Variants in NFIX observed in about 807,000 individuals in gnomAD.
NFIX encodes nuclear factor 1 X-type.
A neutral mutation model predicts 53.3 loss-of-function variants in NFIX; 2 were observed. The ratio of observed to expected loss-of-function variants is 0.04; its 90% CI spans 0.02 to 0.12. The LOEUF (loss-of-function observed/expected upper bound fraction) is 0.12. Among genes scored for constraint, NFIX ranks in the 10% least tolerant of loss-of-function variants. The pLI, the probability that NFIX is intolerant of heterozygous loss-of-function variation, is 1.00. For synonymous variants in NFIX, 244 were observed against 289.0 expected, an observed-to-expected ratio of 0.84 and a Z score of 1.58; for missense variants, 310 against 674.5, an observed-to-expected ratio of 0.46 and a Z score of 5.99.
rs1179287020 is a variant in NFIX at position 13,094,812 on chromosome 19, A to C, written c.*163A>C. Reference sequence around the variant, plus strand: ...AGCCCTTCTCTCCTCCAGCCCGGGGACCCCCGCGGGCCCCAGAAGCAGCCC... The same window carrying C: ...AGCCCTTCTCTCCTCCAGCCCGGGGCCCCCCGCGGGCCCCAGAAGCAGCCC... On this transcript the variant is annotated 3_prime_UTR_variant, in exon 11 of 11. Coordinates refer to ENST00000592199, the MANE Select transcript of NFIX (RefSeq NM_001365902.3). This position sits in a 1 kb window ranked among gnomAD's most constrained non-coding sequence, Gnocchi z 4.3. 5.8e-6 allele frequency: 4 copies of C among 684,780 alleles called. No homozygotes were observed. The highest frequency in any genetic ancestry group is 4.2e-5 in the South Asian group (2 of 47,500). The allele number at this position is 684,780 out of a possible 1,614,324, so 42.4% of individuals were successfully genotyped here. A position where few individuals can be genotyped will look rare whatever the true frequency, so the allele number is the denominator to read the frequency against.
chr19:13,043,985 A>G lies in NFIX; in HGVS notation c.559+18433A>G, dbSNP rs1599774869. 2.0e-5 allele frequency among the ~76,000 whole-genome samples: 3 copies of G among 152,142 alleles called. No individual in the cohort carries two copies. In the South Asian group the frequency reaches 6.2e-4, roughly 32 times the overall value. On this transcript the variant is annotated intron_variant, in intron 2 of 10. Transcript: ENST00000592199. The surrounding 1 kb of genome is among the most constrained non-coding windows in gnomAD (Gnocchi z 4.0). ...AATAAAATTTAAAAAAAAAGAAAAAAGAGAAAATCGGGCCTTATATCATTT... is the reference window on the plus strand; with the variant it reads ...AATAAAATTTAAAAAAAAAGAAAAAGGAGAAAATCGGGCCTTATATCATTT...
rs1292392451 is a variant in NFIX, at chr19:13,073,477, G to A, written c.678G>A (p.Glu226=). Residue 226 remains glutamate, a synonymous_variant, in exon 4 of 11, where the codon GAG becomes GAA. Coordinates refer to ENST00000592199, the MANE Select transcript of NFIX (RefSeq NM_001365902.3). The surrounding 1 kb of genome is among the most constrained non-coding windows in gnomAD (Gnocchi z 4.5). ...CTTCCGGGGTCTGGAATGTGACGGAGCTGGTGAGAGTATCACAGAGTAAGT... is the reference window on the plus strand; with the variant it reads ...CTTCCGGGGTCTGGAATGTGACGGAACTGGTGAGAGTATCACAGAGTAAGT... ...FVTSGVWNVT[E]LVRVSQTPVA... is the part of the protein sequence containing the mutation. 1.9e-6 allele frequency: 3 copies of A among 1,614,006 alleles called. No individual in the cohort carries two copies. Among genetic ancestry groups the A allele is most frequent in the Non-Finnish European group, 1.7e-6 (2 of 1,179,868 alleles).
chr19:13,015,808 A>ACACATG (rs1555695243), intron 1 of NFIX, among the ~76,000 whole-genome samples: 2 of 150,704 alleles, frequency 1.3e-5, no homozygotes, highest in South Asian at 2.1e-4. Flanking sequence ...ACACACACAC[A>ACACATG]CACACGCACA....
At position 12,998,780 on chromosome 19, in the gene NFIX, C is replaced by T. The variant is rs149665881; in HGVS notation, c.27+2916C>T. Among the ~76,000 whole-genome samples, 4 of 152,318 alleles carry T rather than the reference C, an allele frequency of 2.6e-5. No individual in the cohort carries two copies. Among genetic ancestry groups the T allele is most frequent in the Admixed American group, 6.5e-5 (1 of 15,306 alleles). ...AGGAAACCGACGACTTGTGTTCACA[C>T]TGTCACACACACCCATTAACACACA... On this transcript the variant is annotated intron_variant, in intron 1 of 10. Coordinates refer to ENST00000592199, the MANE Select transcript of NFIX (RefSeq NM_001365902.3). The surrounding 1 kb of genome is among the most constrained non-coding windows in gnomAD (Gnocchi z 4.4).
In NFIX at chr19:13,085,804, G is replaced by A. The variant is rs529401985; in HGVS notation, c.1255-2185G>A. Among the ~76,000 whole-genome samples, 230 of 152,362 alleles carry A rather than the reference G, an allele frequency of 1.5e-3. 1 individual carries two copies. Among genetic ancestry groups the A allele is most frequent in the Non-Finnish European group, 2.6e-3 (175 of 68,040 alleles). ...CAGAGAAGCCAGAGTTCAGAAGGGCGTGGCTGCACAGGCCAGCCTGGGCTT... is the reference window on the plus strand; with the variant it reads ...CAGAGAAGCCAGAGTTCAGAAGGGCATGGCTGCACAGGCCAGCCTGGGCTT... On this transcript the variant is annotated intron_variant, in intron 8 of 10. Coordinates refer to ENST00000592199, the MANE Select transcript of NFIX (RefSeq NM_001365902.3).
rs757489339 is a variant in NFIX, at chr19:13,037,589, G to A, written c.559+12037G>A. 4.1e-4 allele frequency among the ~76,000 whole-genome samples: 63 copies of A among 152,162 alleles called. No individual in the cohort carries two copies. The highest frequency in any genetic ancestry group is 8.7e-4 in the Non-Finnish European group (59 of 68,036). On this transcript the variant is annotated intron_variant, in intron 2 of 10. Coordinates refer to ENST00000592199, the MANE Select transcript of NFIX (RefSeq NM_001365902.3). The surrounding 1 kb of genome is among the most constrained non-coding windows in gnomAD (Gnocchi z 4.2). ...TCTTCATAGCCCTGAGCATAGAGGA[G>A]GAAATTTGCCTTTGGCAGATGAGGG...
rs2018087542 is a variant in NFIX at position 13,090,797 on chromosome 19, G to C, written c.1494+407G>C. Reference sequence around the variant, plus strand: ...GCCCTCCCCTTTCCCCTGGCGTTGGGTGGGCTGGGTGACGGGTGGAGGAGG... The same window carrying C: ...GCCCTCCCCTTTCCCCTGGCGTTGGCTGGGCTGGGTGACGGGTGGAGGAGG... On this transcript the variant is annotated intron_variant, in intron 10 of 10. Transcript: ENST00000592199. The surrounding 1 kb of genome is among the most constrained non-coding windows in gnomAD (Gnocchi z 6.6). 6.6e-6 allele frequency among the ~76,000 whole-genome samples: 1 copy of C among 152,228 alleles called. No individual in the cohort carries two copies. The highest frequency in any genetic ancestry group is 6.5e-5 in the Admixed American group (1 of 15,292).
In NFIX at chr19:13,021,998, T is replaced by G. The variant is rs2012972727; in HGVS notation, c.28-3023T>G. ...CACTGCTAGGGTTTGGGCTCTTTAGTCTAAATTGATTTGGGAGACAGGTAA... is the reference window on the plus strand; with the variant it reads ...CACTGCTAGGGTTTGGGCTCTTTAGGCTAAATTGATTTGGGAGACAGGTAA... On this transcript the variant is annotated intron_variant, in intron 1 of 10. Coordinates refer to ENST00000592199, the MANE Select transcript of NFIX (RefSeq NM_001365902.3). This position sits in a 1 kb window ranked among gnomAD's most constrained non-coding sequence, Gnocchi z 4.2. Among the ~76,000 whole-genome samples, 1 of 152,176 alleles carries G rather than the reference T, an allele frequency of 6.6e-6. No homozygotes were observed. The highest frequency in any genetic ancestry group is 2.1e-4 in the South Asian group (1 of 4,826).
At chr19:13,085,485 T>G (rs1332428408) in intron 8 of NFIX, among the ~76,000 whole-genome samples, 1 of 152,182 alleles carries the variant, frequency 6.6e-6, no homozygotes, top group African/African-American at 2.4e-5. Context: ...CATTCCCTCC[T>G]TCTAGGCAGG....
In NFIX at chr19:13,049,201, G is replaced by A. The variant is rs2015176064; in HGVS notation, c.559+23649G>A. On this transcript the variant is annotated intron_variant, in intron 2 of 10. Transcript: ENST00000592199. The surrounding 1 kb of genome is among the most constrained non-coding windows in gnomAD (Gnocchi z 4.5). ...CCAAGAATTTAAGGTTGCAGCAAGCGATGATCACACTACTGCACTCCAGCC... is the reference window on the plus strand; with the variant it reads ...CCAAGAATTTAAGGTTGCAGCAAGCAATGATCACACTACTGCACTCCAGCC... 1.3e-5 allele frequency among the ~76,000 whole-genome samples: 2 copies of A among 151,908 alleles called. No homozygotes were observed. Among genetic ancestry groups the A allele is most frequent in the South Asian group, 2.1e-4 (1 of 4,822 alleles).
intron 2 of NFIX, among the ~76,000 whole-genome samples, chr19:13,030,379 C>T (rs377379127): frequency 2.0e-4 from 31 of 152,124 alleles, no homozygotes; most frequent in Non-Finnish European, 3.4e-4. Context: ...CATAGCAGGA[C>T]GGCAGCTGCT....
In NFIX at chr19:13,022,342, G is replaced by T. The variant is rs1205316085; in HGVS notation, c.28-2679G>T. Among the ~76,000 whole-genome samples, 1 of 152,150 alleles carries T rather than the reference G, an allele frequency of 6.6e-6. No homozygotes were observed. Among genetic ancestry groups the T allele is most frequent in the Non-Finnish European group, 1.5e-5 (1 of 68,024 alleles). The stretch of plus-strand genomic sequence containing the variant: ...CGAAGGAGGAGGCTGAGCTTGCTGG[G>T]GGCTGGGGGAGAAGGGAGGGACGTG... On this transcript the variant is annotated intron_variant, in intron 1 of 10. Coordinates refer to ENST00000592199, the MANE Select transcript of NFIX (RefSeq NM_001365902.3). This position sits in a 1 kb window ranked among gnomAD's most constrained non-coding sequence, Gnocchi z 4.5.
chr19:13,076,799 C>G lies in NFIX; in HGVS notation c.955+1128C>G, dbSNP rs1190232395. ...AAGCACTCCTGCTTTTCTGCTGCCC[C>G]AGAACGAATGCAAGTTCTGGCAGCT... On this transcript the variant is annotated intron_variant, in intron 6 of 10. Coordinates refer to ENST00000592199, the MANE Select transcript of NFIX (RefSeq NM_001365902.3). Among the ~76,000 whole-genome samples, 10 of 152,322 alleles carry G rather than the reference C, an allele frequency of 6.6e-5. No homozygotes were observed. In the South Asian group the frequency reaches 1.9e-3, roughly 28 times the overall value.
At chr19:13,010,057 C>A (rs753483182) in intron 1 of NFIX, among the ~76,000 whole-genome samples, 5 of 152,214 alleles carry the variant, frequency 3.3e-5, no homozygotes, top group Non-Finnish European at 7.4e-5. Context: ...AGGTCCAGGG[C>A]GCTTCCTCCT....
intron 2 of NFIX, among the ~76,000 whole-genome samples, chr19:13,050,335 G>A (rs1183783108): frequency 4.6e-5 from 7 of 152,164 alleles, no homozygotes; most frequent in Admixed American, 2.0e-4. Flanking sequence ...TTTGTCTGAC[G>A]GCCTCTATCT....
In NFIX at chr19:13,009,230, G is replaced by A. The variant is rs1195209653; in HGVS notation, c.27+13366G>A. Among the ~76,000 whole-genome samples, 4 of 152,062 alleles carry A rather than the reference G, an allele frequency of 2.6e-5. No individual in the cohort carries two copies. The highest frequency in any genetic ancestry group is 2.1e-4 in the South Asian group (1 of 4,818). ...CCAGCCTCACGCGATCACACCAAGC[G>A]TCACAGCTTGTCACAGCCATAGATT... is the stretch of plus-strand genomic sequence containing the variant. On this transcript the variant is annotated intron_variant, in intron 1 of 10. Coordinates refer to ENST00000592199, the MANE Select transcript of NFIX (RefSeq NM_001365902.3). The surrounding 1 kb of genome is among the most constrained non-coding windows in gnomAD (Gnocchi z 4.7).
Position 13,029,328 on chromosome 19 carries a change from AT to A in NFIX, c.559+3785del, listed in dbSNP as rs538996041. On this transcript the variant is annotated intron_variant, in intron 2 of 10. Coordinates refer to ENST00000592199, the MANE Select transcript of NFIX (RefSeq NM_001365902.3). ...CTATTATACCCATTAAAAATTCAGCATTTTTTTTTAGTATCATCAGATACTG... is the reference window on the plus strand; with the variant it reads ...CTATTATACCCATTAAAAATTCAGCATTTTTTTTAGTATCATCAGATACTG... Among the ~76,000 whole-genome samples, 532 of 151,462 alleles carry A rather than the reference AT, an allele frequency of 3.5e-3. 3 individuals are homozygous for A. Among genetic ancestry groups the A allele is most frequent in the African/African-American group, 0.012 (485 of 41,286 alleles).
At chr19:13,079,796 C>T (rs550742588) in intron 7 of NFIX, among the ~76,000 whole-genome samples, 273 of 152,312 alleles carry the variant, frequency 1.8e-3, no homozygotes, top group Non-Finnish European at 2.4e-3. Flanking sequence ...CTAATGAAAC[C>T]GAGAGCAAGA....
At chr19:13,016,852 C>T (rs1047301102) in intron 1 of NFIX, among the ~76,000 whole-genome samples, 2 of 152,114 alleles carry the variant, frequency 1.3e-5, no homozygotes, top group African/African-American at 4.8e-5. Flanking sequence ...GCCTCTGCTC[C>T]TCCGGGCAGG....
Sources: allele counts gnomAD v4.1 joint callset (sites outside exome capture counted in the v4.1 genomes callset), GRCh38; gene constraint gnomAD v4.1.1; non-coding constraint Gnocchi (gnomAD v3.1); transcripts MANE v1.5; gene names NCBI Gene and HGNC (gene_info 2026-07-23, HGNC 2026-07-21).